RBPJ: variants seen among roughly 807,000 people sequenced by gnomAD.
The protein encoded by RBPJ is recombining binding protein suppressor of hairless.
In RBPJ, 9 loss-of-function variants were observed where a neutral mutation model predicts 67.8. That is an observed-to-expected ratio of 0.13 (90% CI 0.08 to 0.23). The LOEUF (loss-of-function observed/expected upper bound fraction) is 0.23, where lower values mean the gene tolerates loss of function less well. Among genes scored for constraint, RBPJ ranks in the 10% least tolerant of loss-of-function variants. RBPJ has a pLI of 1.00. For missense variants in RBPJ, 305 were observed against 595.6 expected, an observed-to-expected ratio of 0.51 and a Z score of 5.08; for synonymous variants, 198 against 203.3, an observed-to-expected ratio of 0.97 and a Z score of 0.22.
the RBPJ span, chr4:26,111,911 A>T: frequency 9.4e-6 from 2 of 213,412 alleles, no homozygotes; most frequent in Non-Finnish European, 2.0e-5. Flanking sequence ...GTATGCATAG[A>T]CTTTACCCAG....
chr4:26,205,413 C>CT (rs1718135110), intron 1 of RBPJ, among the ~76,000 whole-genome samples: 1 of 152,062 alleles, frequency 6.6e-6, no homozygotes, highest in Non-Finnish European at 1.5e-5. Flanking sequence ...TGTGGGATTC[C>CT]TTTTTAGCTT....
At chr4:26,135,346 TG>T in the RBPJ span, among the ~76,000 whole-genome samples, 2 of 151,724 alleles carry the variant, frequency 1.3e-5, no homozygotes, top group African/African-American at 4.8e-5. Flanking sequence ...TCTGAAGGAG[TG>T]TGTGTATCCC....
chr4:26,122,488 C>T, the RBPJ span, among the ~76,000 whole-genome samples: 3 of 152,164 alleles, frequency 2.0e-5, no homozygotes, highest in African/African-American at 2.4e-5. Flanking sequence ...CTGGAGTAAA[C>T]TCACCCATTC....
chr4:26,408,692 A>C (rs573372537), intron 3 of RBPJ, among the ~76,000 whole-genome samples: 2 of 152,334 alleles, frequency 1.3e-5, no homozygotes, highest in South Asian at 4.1e-4. Context: ...TTATGATCCA[A>C]ATTCTGTGGG....
chr4:26,151,342 CT>C, the RBPJ span, among the ~76,000 whole-genome samples: 1 of 152,152 alleles, frequency 6.6e-6, no homozygotes, highest in Non-Finnish European at 1.5e-5. Flanking sequence ...CTAACTTTCT[CT>C]TTTTTGTGAT....
At chr4:26,425,170 T>C (rs1404573451) in intron 7 of RBPJ, among the ~76,000 whole-genome samples, 1 of 152,198 alleles carries the variant, frequency 6.6e-6, no homozygotes, top group Non-Finnish European at 1.5e-5. Flanking sequence ...TCTTTTGAAA[T>C]ATAAGCGTAA....
At chr4:26,270,487 GAGGAAGGA>G (rs900012605) in intron 1 of RBPJ, among the ~76,000 whole-genome samples, 3 of 150,500 alleles carry the variant, frequency 2.0e-5, no homozygotes, top group Non-Finnish European at 3.0e-5. Flanking sequence ...TGAAAGGAGG[GAGGAAGGA>G]AGGAAGGAAG....
intron 1 of RBPJ, among the ~76,000 whole-genome samples, chr4:26,191,741 G>A (rs1246000401): frequency 6.6e-6 from 1 of 152,116 alleles, no homozygotes; most frequent in Non-Finnish European, 1.5e-5. Flanking sequence ...TTTCAACTGG[G>A]GGCTGGCTGG....
intron 2 of RBPJ, among the ~76,000 whole-genome samples, chr4:26,396,147 A>G (rs1054882980): frequency 6.6e-6 from 1 of 152,230 alleles, no homozygotes; most frequent in African/African-American, 2.4e-5. Context: ...AACAAACACC[A>G]TGCAAAGTAG....
intron 1 of RBPJ, among the ~76,000 whole-genome samples, chr4:26,191,204 T>TAGAG (rs1445537450): frequency 1.3e-3 from 42 of 31,832 alleles, no homozygotes; most frequent in South Asian, 3.0e-3. Context: ...TATATATATA[T>TAGAG]ATATATAGAG....
intron 1 of RBPJ, chr4:26,322,108 GC>G (rs1461719593): frequency 6.6e-6 from 1 of 152,666 alleles, no homozygotes; most frequent in Non-Finnish European, 1.5e-5. Flanking sequence ...CCCGGCCCCC[GC>G]CCCCCTCCTG....
chr4:26,177,825 G>A (rs1038503556), intron 1 of RBPJ, among the ~76,000 whole-genome samples: 1 of 152,148 alleles, frequency 6.6e-6, no homozygotes, highest in African/African-American at 2.4e-5. Flanking sequence ...ATCATGCAGG[G>A]ATATAACCTC....
chr4:26,243,238 T>C (rs865879325), intron 1 of RBPJ, among the ~76,000 whole-genome samples: 3 of 152,072 alleles, frequency 2.0e-5, no homozygotes, highest in Middle Eastern at 6.8e-3. Flanking sequence ...CTCAAAAAAA[T>C]AATAATGATA....
chr4:26,206,468 G>C (rs1301830658), intron 1 of RBPJ, among the ~76,000 whole-genome samples: 1 of 152,120 alleles, frequency 6.6e-6, no homozygotes, highest in African/African-American at 2.4e-5. Flanking sequence ...TGGAGGCCAG[G>C]CTCTAGGTTA....
the RBPJ span, among the ~76,000 whole-genome samples, chr4:26,114,475 G>GTATATATATATATATATATATATATA: frequency 2.2e-5 from 2 of 89,196 alleles, no homozygotes; most frequent in Non-Finnish European, 4.6e-5. Context: ...AAAAAAGAAT[G>GTATATATATATATATATATATATATA]TACATATATA....
At chr4:26,275,065 C>G (rs535636001) in intron 1 of RBPJ, among the ~76,000 whole-genome samples, 1 of 152,150 alleles carries the variant, frequency 6.6e-6, no homozygotes, top group African/African-American at 2.4e-5. Context: ...GAGATGGCCA[C>G]ATTGTCAACT....
chr4:26,202,970 TAA>T (rs1718036428), intron 1 of RBPJ, among the ~76,000 whole-genome samples: 1 of 138,506 alleles, frequency 7.2e-6, no homozygotes, highest in South Asian at 2.3e-4. Context: ...AGGAAGGAAA[TAA>T]GGAAGGAAGG....
At chr4:26,115,841 A>C in the RBPJ span, among the ~76,000 whole-genome samples, 5 of 152,192 alleles carry the variant, frequency 3.3e-5, no homozygotes, top group South Asian at 6.2e-4. Context: ...CAGTAATGTA[A>C]ATGCTGTTAA....
intron 1 of RBPJ, among the ~76,000 whole-genome samples, chr4:26,384,835 CA>C (rs1730684018): frequency 1.5e-5 from 1 of 65,132 alleles, no homozygotes; most frequent in African/African-American, 6.5e-5. Flanking sequence ...CCTCCCCTCT[CA>C]CCTCTCCCCT....
Sources: allele counts gnomAD v4.1 joint callset (sites outside exome capture counted in the v4.1 genomes callset), GRCh38; gene constraint gnomAD v4.1.1; transcripts MANE v1.5; gene names NCBI Gene and HGNC (gene_info 2026-07-23, HGNC 2026-07-21).